Variants in LONRF2 observed in about 807,000 individuals in gnomAD.
LONRF2 encodes the protein LON peptidase N-terminal domain and ring finger 2.
Under a neutral mutation model 66.6 loss-of-function variants are expected in LONRF2, and 35 were observed. That is an observed-to-expected ratio of 0.53 (90% CI 0.40 to 0.70). The LOEUF (loss-of-function observed/expected upper bound fraction) is 0.70, where lower values mean the gene tolerates loss of function less well. Among genes scored for constraint, LONRF2 ranks in the 30% least tolerant of loss-of-function variants. The probability of loss-of-function intolerance (pLI) is 0.00; values close to 1 mark genes in which losing one functional copy is unlikely to be tolerated. For synonymous variants in LONRF2, 417 were observed against 418.1 expected (o/e 1.00, Z 0.03); for missense variants, 902 against 1,002.1 (o/e 0.90, Z 1.35).
Position 100,274,156 on chromosome 2 carries a change from T to C in LONRF2, c.*10142A>G, listed in dbSNP as rs1454344451. 8.5e-5 allele frequency: 13 copies of C among 152,200 alleles called. No individual in the cohort carries two copies. The highest frequency in any genetic ancestry group is 8.5e-4 in the Admixed American group (13 of 15,282). The allele number at this position is 152,200 out of a possible 1,614,324, so 9.4% of individuals were successfully genotyped here. A position where few individuals can be genotyped will look rare whatever the true frequency, so the allele number is the denominator to read the frequency against. On this transcript the variant is annotated 3_prime_UTR_variant, in exon 12 of 12. Coordinates refer to ENST00000393437, the MANE Select transcript of LONRF2 (RefSeq NM_198461.4). ...ACATGCGCCAACCAGCCGAGACTCA[T>C]GACAGTAAACTTCCTCAGGGTTCTC...
Position 100,284,404 on chromosome 2 carries a change from G to T in LONRF2, c.2159C>A (p.Thr720Asn), listed in dbSNP as rs890745575. The T allele has an allele frequency of 6.2e-7, 1 of 1,604,814 alleles. No individual in the cohort carries two copies. The highest frequency in any genetic ancestry group is 1.1e-5 in the South Asian group (1 of 88,690). ...GGCAAGGAGCCGCTCTTTGAGCGAG[G>T]TCATGCCGAGGATGGCCAGCTGAGC... ...RKAQLAILGMTSLKERLLAIR... is the reference protein window; with the variant it reads ...RKAQLAILGMNSLKERLLAIR... Residue 720 changes from threonine (T) to asparagine (N), a missense_variant, in exon 12 of 12, where the codon ACC becomes AAC. Transcript: ENST00000393437.
chr2:100,312,585 C>T (rs1675430392), intron 1 of LONRF2, among the ~76,000 whole-genome samples: 1 of 152,196 alleles, frequency 6.6e-6, no homozygotes, highest in Admixed American at 6.5e-5. Context: ...CTACTCCTCA[C>T]ATTCTAAAGG....
At chr2:100,315,348 C>T (rs903878034) in intron 1 of LONRF2, among the ~76,000 whole-genome samples, 6 of 152,180 alleles carry the variant, frequency 3.9e-5, no homozygotes, top group Admixed American at 1.3e-4. Flanking sequence ...ATAGTTCCTA[C>T]ATTCTTCTGG....
chr2:100,304,769 G>A (rs868279515), intron 2 of LONRF2, among the ~76,000 whole-genome samples: 9 of 148,026 alleles, frequency 6.1e-5, no homozygotes, highest in South Asian at 4.3e-4. Flanking sequence ...GACTACAGGC[G>A]CCTGCCACCA....
At position 100,292,834 on chromosome 2, in the gene LONRF2, G is replaced by A. The variant is rs1276332025; in HGVS notation, c.1757+1395C>T. On this transcript the variant is annotated intron_variant, in intron 9 of 11. Transcript: ENST00000393437. Reference sequence around the variant, plus strand: ...CATTTCACATTAGGAATGCAAATGTGTTATTTTTTTATTTATGGCATAAGG... The same window carrying A: ...CATTTCACATTAGGAATGCAAATGTATTATTTTTTTATTTATGGCATAAGG... Among the ~76,000 whole-genome samples the A allele has an allele frequency of 3.9e-5, 6 of 152,068 alleles. No homozygotes were observed. In the South Asian group the frequency reaches 1.2e-3, roughly 32 times the overall value.
Position 100,273,731 on chromosome 2 carries a change from C to T in LONRF2, c.*10567G>A, listed in dbSNP as rs1386305426. The stretch of plus-strand genomic sequence containing the variant: ...TGATTATTAAGTTTATCTACACCAG[C>T]TTATTTATTCAAATTTGCTCTTCTT... On this transcript the variant is annotated 3_prime_UTR_variant, in exon 12 of 12. Coordinates refer to ENST00000393437, the MANE Select transcript of LONRF2 (RefSeq NM_198461.4). 2 of 152,170 alleles carry T rather than the reference C, an allele frequency of 1.3e-5. No individual in the cohort carries two copies. Among genetic ancestry groups the T allele is most frequent in the African/African-American group, 4.8e-5 (2 of 41,442 alleles). The allele number at this position is 152,170 out of a possible 1,614,324, so 9.4% of individuals were successfully genotyped here. A position where few individuals can be genotyped will look rare whatever the true frequency, so the allele number is the denominator to read the frequency against.
chr2:100,288,955 G>A (rs1363604119), intron 10 of LONRF2, among the ~76,000 whole-genome samples: 8 of 152,166 alleles, frequency 5.3e-5, no homozygotes, highest in Non-Finnish European at 2.9e-5. Flanking sequence ...AAGTCTGTTG[G>A]AGAATCTCTC....
chr2:100,305,294 T>C (rs1002887560), intron 2 of LONRF2, among the ~76,000 whole-genome samples: 3 of 152,244 alleles, frequency 2.0e-5, no homozygotes, highest in Non-Finnish European at 4.4e-5. Flanking sequence ...TTGGATGTTT[T>C]ATAGTGTCTT....
intron 1 of LONRF2, among the ~76,000 whole-genome samples, chr2:100,321,047 T>C (rs1434085049): frequency 1.3e-5 from 2 of 152,160 alleles, no homozygotes; most frequent in African/African-American, 4.8e-5. Flanking sequence ...TTTCTGCGCC[T>C]GTAGTGTGTC....
At chr2:100,312,526 A>G (rs1675429155) in intron 1 of LONRF2, among the ~76,000 whole-genome samples, 1 of 152,178 alleles carries the variant, frequency 6.6e-6, no homozygotes, top group African/African-American at 2.4e-5. Flanking sequence ...AATACATTTC[A>G]TTTACATTTA....
At chr2:100,300,872 C>A (rs905621996) in intron 3 of LONRF2, 85 bp from the exon 4 acceptor site, 3 of 1,074,972 alleles carry the variant, frequency 2.8e-6, no homozygotes, top group Admixed American at 3.7e-5. Flanking sequence ...TCAGAGGAAA[C>A]TAAGAGGCCA....
intron 3 of LONRF2, among the ~76,000 whole-genome samples, chr2:100,301,284 G>T (rs555925067): frequency 3.9e-5 from 6 of 152,348 alleles, no homozygotes; most frequent in East Asian, 1.9e-4. Context: ...TGGCATTGGT[G>T]GGGGCAGGGG....
chr2:100,315,638 A>T (rs1226006723), intron 1 of LONRF2, among the ~76,000 whole-genome samples: 1 of 152,180 alleles, frequency 6.6e-6, no homozygotes, highest in Non-Finnish European at 1.5e-5. Context: ...TTTTTTCTGT[A>T]AAGATGGTGA....
At position 100,274,868 on chromosome 2, in the gene LONRF2, C is replaced by T. The variant is rs1245372358; in HGVS notation, c.*9430G>A. On this transcript the variant is annotated 3_prime_UTR_variant, in exon 12 of 12. Transcript: ENST00000393437. ...CGTGGCCTGGTGCGCTCCTTTTCTC[C>T]AGAAATGCAAGTAACAAACTTTTCT... 6.6e-6 allele frequency: 1 copy of T among 152,468 alleles called. No individual in the cohort carries two copies. The highest frequency in any genetic ancestry group is 1.9e-4 in the East Asian group (1 of 5,198). The allele number at this position is 152,468 out of a possible 1,614,324, so 9.4% of individuals were successfully genotyped here. A position where few individuals can be genotyped will look rare whatever the true frequency, so the allele number is the denominator to read the frequency against.
intron 9 of LONRF2, 33 bp from the exon 10 acceptor site, chr2:100,290,453 T>G (rs1674936505): frequency 6.3e-7 from 1 of 1,579,868 alleles, no homozygotes; most frequent in Admixed American, 1.9e-5. Flanking sequence ...TGACTGTGAT[T>G]TTTAAAATGC....
Position 100,278,353 on chromosome 2 carries a change from C to A in LONRF2, c.*5945G>T, listed in dbSNP as rs1042768286. On this transcript the variant is annotated 3_prime_UTR_variant, in exon 12 of 12. Transcript: ENST00000393437. ...CTATAAATCTTGCATCTTATCCCCA[C>A]CCCATCAGGGCTGGAGCCCAGAGAG... 1 of 152,132 alleles carries A rather than the reference C, an allele frequency of 6.6e-6. No homozygotes were observed. The highest frequency in any genetic ancestry group is 1.5e-5 in the Non-Finnish European group (1 of 68,036). The allele number at this position is 152,132 out of a possible 1,614,324, so 9.4% of individuals were successfully genotyped here.
intron 2 of LONRF2, among the ~76,000 whole-genome samples, chr2:100,307,025 A>G (rs994702755): frequency 1.4e-5 from 2 of 148,130 alleles, no homozygotes; most frequent in East Asian, 2.0e-4. Context: ...GGTTGACGCC[A>G]TTCTCCTGCC....
rs972335336 is a variant in LONRF2 at position 100,290,239 on chromosome 2, C to G, written c.1920+19G>C. On this transcript the variant is annotated intron_variant, in intron 10 of 11. Coordinates refer to ENST00000393437, the MANE Select transcript of LONRF2 (RefSeq NM_198461.4). ...AGAGGACCGACTGCTATAAAATACA[C>G]CAGTATGATAAGCCTTACCTTTTCA... 3.7e-6 allele frequency: 6 copies of G among 1,600,126 alleles called. No individual in the cohort carries two copies. The highest frequency in any genetic ancestry group is 5.1e-6 in the Non-Finnish European group (6 of 1,172,818).
chr2:100,293,896 T>G (rs1435291033), intron 9 of LONRF2, among the ~76,000 whole-genome samples: 1 of 152,028 alleles, frequency 6.6e-6, no homozygotes, highest in East Asian at 1.9e-4. Context: ...TTCCTAGACC[T>G]CAGAAGTTGG....
Sources: gnomAD v4.1 joint callset for allele counts (sites outside exome capture counted in the v4.1 genomes callset) on GRCh38, gnomAD v4.1.1 for gene constraint, MANE v1.5 for transcripts, NCBI Gene and HGNC (gene_info 2026-07-23, HGNC 2026-07-21) for gene names.